Variants in GLG1 observed in about 807,000 individuals in gnomAD.
GLG1 encodes the protein Golgi apparatus protein 1.
Under a neutral mutation model 160.5 loss-of-function variants are expected in GLG1, and 38 were observed. The ratio of observed to expected loss-of-function variants is 0.24; its 90% CI spans 0.18 to 0.31. The LOEUF is 0.31. Among genes scored for constraint, GLG1 ranks in the 10% least tolerant of loss-of-function variants. The probability of loss-of-function intolerance (pLI) is 1.00; values close to 1 mark genes in which losing one functional copy is unlikely to be tolerated. For synonymous variants in GLG1, 644 were observed against 543.4 expected, an observed-to-expected ratio of 1.19 and a Z score of -2.57; for missense variants, 1,373 against 1,505.2, an observed-to-expected ratio of 0.91 and a Z score of 1.45.
chr16:74,528,248 G>A (rs969150604), intron 2 of GLG1, among the ~76,000 whole-genome samples: 1 of 151,884 alleles, frequency 6.6e-6, no homozygotes, highest in Non-Finnish European at 1.5e-5. Flanking sequence ...CGATCTGCCT[G>A]CCTCTACCTC....
At chr16:74,585,621 T>C (rs1312344735) in intron 1 of GLG1, among the ~76,000 whole-genome samples, 2 of 145,718 alleles carry the variant, frequency 1.4e-5, no homozygotes, top group Non-Finnish European at 3.0e-5. Flanking sequence ...GGCAGGAGAA[T>C]GGCGTGAACT....
intron 2 of GLG1, 127 bp downstream of exon 2, chr16:74,531,994 T>C: frequency 2.3e-6 from 1 of 439,106 alleles, no homozygotes; most frequent in East Asian, 3.5e-5. Flanking sequence ...CCTTAAAGTT[T>C]GTCATCCTTT....
At chr16:74,559,419 G>C (rs2018443925) in intron 1 of GLG1, among the ~76,000 whole-genome samples, 1 of 151,570 alleles carries the variant, frequency 6.6e-6, no homozygotes, top group Non-Finnish European at 1.5e-5. Context: ...ACTCCAGCCT[G>C]GGTGACAGAG....
intron 3 of GLG1, among the ~76,000 whole-genome samples, chr16:74,505,400 C>A (rs2016559491): frequency 6.6e-6 from 1 of 152,186 alleles, no homozygotes; most frequent in Non-Finnish European, 1.5e-5. Flanking sequence ...TTCAGTTTAA[C>A]CCCAAGTAAG....
chr16:74,572,203 T>C (rs2018848669), intron 1 of GLG1, among the ~76,000 whole-genome samples: 1 of 152,064 alleles, frequency 6.6e-6, no homozygotes, highest in Non-Finnish European at 1.5e-5. Flanking sequence ...GCCTAAGTAA[T>C]GAAGACTCCA....
chr16:74,452,576 C>T lies in GLG1; in HGVS notation c.*591G>A, dbSNP rs1481436042. On this transcript the variant is annotated 3_prime_UTR_variant, in exon 26 of 26. Transcript: ENST00000422840. ...CAGCAGAAGAAAGCAGGACCCCACA[C>T]AGCCTGGGGAACGGCTGCCCACCCA... 4 of 1,001,762 alleles carry T rather than the reference C, an allele frequency of 4.0e-6. No individual in the cohort carries two copies. In the South Asian group the frequency reaches 1.8e-4, roughly 44 times the overall value. 62.1% of individuals were successfully genotyped at this position (1,001,762 alleles called of 1,614,324 possible).
chr16:74,580,473 T>G (rs530662740), intron 1 of GLG1, among the ~76,000 whole-genome samples: 3 of 152,140 alleles, frequency 2.0e-5, no homozygotes, highest in Non-Finnish European at 4.4e-5. Context: ...CACTCCAGCA[T>G]AGGAAACAGA....
chr16:74,565,595 G>A (rs1306424537), intron 1 of GLG1, among the ~76,000 whole-genome samples: 1 of 152,200 alleles, frequency 6.6e-6, no homozygotes, highest in Non-Finnish European at 1.5e-5. Flanking sequence ...AGGCCCAGCT[G>A]TAACCAATCC....
At chr16:74,473,210 C>CG (rs1429548420) in intron 13 of GLG1, among the ~76,000 whole-genome samples, 65 of 151,454 alleles carry the variant, frequency 4.3e-4, no homozygotes, top group East Asian at 2.3e-3. Context: ...TTCTAATCCC[C>CG]CTTTTTTTTT....
At chr16:74,573,255 G>A (rs2018888031) in intron 1 of GLG1, among the ~76,000 whole-genome samples, 1 of 152,128 alleles carries the variant, frequency 6.6e-6, no homozygotes, top group African/African-American at 2.4e-5. Context: ...AAGAAGTTCT[G>A]AAGAATGTAT....
At chr16:74,501,912 G>C (rs1372372582) in intron 4 of GLG1, among the ~76,000 whole-genome samples, 1 of 152,198 alleles carries the variant, frequency 6.6e-6, no homozygotes, top group African/African-American at 2.4e-5. Flanking sequence ...AAGCCACAGA[G>C]TTTTTCAAGA....
At chr16:74,604,914 T>G (rs1172043135) in intron 1 of GLG1, among the ~76,000 whole-genome samples, 2 of 152,120 alleles carry the variant, frequency 1.3e-5, no homozygotes, top group Admixed American at 1.3e-4. Flanking sequence ...CTGGGCGTGG[T>G]GGCGCTCGCC....
intron 1 of GLG1, among the ~76,000 whole-genome samples, chr16:74,553,412 C>T (rs1450379187): frequency 6.7e-6 from 1 of 150,296 alleles, no homozygotes; most frequent in East Asian, 1.9e-4. Context: ...CTTAACAGTA[C>T]ATATTAGATA....
In GLG1 at chr16:74,495,749, T is replaced by C. The variant is rs528539828; in HGVS notation, c.978+692A>G. On this transcript the variant is annotated intron_variant, in intron 5 of 25. Transcript: ENST00000422840. ...GATCCTGGGTAAAATAAAATTCCTA[T>C]AGATAAAACAGACTTCCAAGAACTG... 1.3e-3 allele frequency among the ~76,000 whole-genome samples: 192 copies of C among 152,288 alleles called. 1 individual carries two copies. Among genetic ancestry groups the C allele is most frequent in the African/African-American group, 4.5e-3 (186 of 41,568 alleles).
intron 8 of GLG1, among the ~76,000 whole-genome samples, chr16:74,487,268 G>A (rs926477341): frequency 1.3e-5 from 2 of 152,030 alleles, no homozygotes; most frequent in Non-Finnish European, 2.9e-5. Context: ...ACTGGTTTGC[G>A]TTCCCTTTTG....
intron 15 of GLG1, 151 bp downstream of exon 15, chr16:74,471,022 G>C (rs2015190070): frequency 7.5e-6 from 5 of 662,462 alleles, no homozygotes; most frequent in Non-Finnish European, 1.1e-5. Context: ...CTCCCAAAGT[G>C]CTGGGATTAC....
Position 74,449,860 on chromosome 16 carries a change from G to C in GLG1, c.*3307C>G, listed in dbSNP as rs2014219194. The C allele has an allele frequency of 1.3e-5, 2 of 152,292 alleles. No individual in the cohort carries two copies. The highest frequency in any genetic ancestry group is 1.9e-4 in the East Asian group (1 of 5,190). The allele number at this position is 152,292 out of a possible 1,614,324, so 9.4% of individuals were successfully genotyped here. A position where few individuals can be genotyped will look rare whatever the true frequency, so the allele number is the denominator to read the frequency against. On this transcript the variant is annotated 3_prime_UTR_variant, in exon 26 of 26. Transcript: ENST00000422840. ...GCCGGTGCTTCTTGCTAACGGGCTT[G>C]TCTAGGGACAACAGCAACAGCAATG...
intron 1 of GLG1, among the ~76,000 whole-genome samples, chr16:74,568,660 C>T (rs1438154596): frequency 2.6e-5 from 4 of 152,064 alleles, no homozygotes; most frequent in African/African-American, 7.2e-5. Context: ...TCAGGTGATC[C>T]GCCCACCTCG....
intron 13 of GLG1, 67 bp from the exon 14 acceptor site, chr16:74,472,478 C>A (rs764229029): frequency 2.2e-6 from 3 of 1,383,782 alleles, no homozygotes; most frequent in Non-Finnish European, 3.0e-6. Flanking sequence ...GGAGCAGTTT[C>A]TCTTTCTGAA....
Sources: gnomAD v4.1 joint callset for allele counts (sites outside exome capture counted in the v4.1 genomes callset) on GRCh38, gnomAD v4.1.1 for gene constraint, MANE v1.5 for transcripts, NCBI Gene and HGNC (gene_info 2026-07-23, HGNC 2026-07-21) for gene names.